The following PDGFC variants were observed in gnomAD, a reference collection of about 807,000 sequenced individuals.
PDGFC encodes platelet-derived growth factor C.
In PDGFC, 12 loss-of-function variants were observed where a neutral mutation model predicts 35.5. That is an observed-to-expected ratio of 0.34 (90% confidence interval 0.22 to 0.55). PDGFC has a LOEUF of 0.55. Among genes scored for constraint, PDGFC ranks in the 20% least tolerant of loss-of-function variants. The pLI, the probability that PDGFC is intolerant of heterozygous loss-of-function variation, is 0.91. For synonymous variants in PDGFC, 159 were observed against 148.8 expected (o/e 1.07, Z -0.50); for missense variants, 322 against 412.4 (o/e 0.78, Z 1.90).
At chr4:156,797,201 GCACTC>G (rs1209886849) in intron 3 of PDGFC, among the ~76,000 whole-genome samples, 3 of 149,976 alleles carry the variant, frequency 2.0e-5, no homozygotes, top group Admixed American at 2.0e-4. Flanking sequence ...TCGCGCCACT[GCACTC>G]CACCCTGTGC....
At chr4:156,860,766 A>T (rs1729691963) in intron 1 of PDGFC, among the ~76,000 whole-genome samples, 1 of 152,268 alleles carries the variant, frequency 6.6e-6, no homozygotes, top group South Asian at 2.1e-4. Context: ...AAACTTAAAG[A>T]TCTATTACTG....
At chr4:156,824,285 C>CATATATATATATATATAT (rs58698115) in intron 2 of PDGFC, among the ~76,000 whole-genome samples, 1 of 92,860 alleles carries the variant, frequency 1.1e-5, no homozygotes, top group Non-Finnish European at 2.0e-5. Context: ...ACAATGTAAG[C>CATATATATATATATATAT]ATATATATAT....
chr4:156,963,085 G>C (rs76383021), intron 1 of PDGFC, among the ~76,000 whole-genome samples: 1 of 152,104 alleles, frequency 6.6e-6, no homozygotes, highest in East Asian at 1.9e-4. Context: ...TAAGGAATCA[G>C]ACCTCTACTT....
intron 1 of PDGFC, among the ~76,000 whole-genome samples, chr4:156,911,625 C>T (rs1293828416): frequency 6.6e-6 from 1 of 152,034 alleles, no homozygotes. Flanking sequence ...TTATTATTCT[C>T]ATTTCATACA....
rs576348086 is a variant in PDGFC, at chr4:156,885,412, G to A, written c.119-34996C>T. 2.6e-4 allele frequency among the ~76,000 whole-genome samples: 39 copies of A among 152,174 alleles called. No homozygotes were observed. In the South Asian group the frequency reaches 7.7e-3, roughly 30 times the overall value. On this transcript the variant is annotated intron_variant, in intron 1 of 5. Coordinates refer to ENST00000502773, the MANE Select transcript of PDGFC (RefSeq NM_016205.3). Reference sequence around the variant, plus strand: ...AAAATGAAAATTTTAAAATTTTGTAGACTATAATAATTCTTTAAAAGGAGG... The same window carrying A: ...AAAATGAAAATTTTAAAATTTTGTAAACTATAATAATTCTTTAAAAGGAGG...
intron 1 of PDGFC, among the ~76,000 whole-genome samples, chr4:156,910,764 T>C (rs573830490): frequency 4.6e-5 from 7 of 152,288 alleles, no homozygotes; most frequent in Non-Finnish European, 1.0e-4. Flanking sequence ...TATCTCATTG[T>C]GGTTTTTAAT....
At chr4:156,960,686 T>C (rs1195179900) in intron 1 of PDGFC, among the ~76,000 whole-genome samples, 2 of 151,998 alleles carry the variant, frequency 1.3e-5, no homozygotes, top group Admixed American at 6.6e-5. Flanking sequence ...TCTCAGGCTA[T>C]GGATGTACAG....
chr4:156,933,058 G>T (rs1410542347), intron 1 of PDGFC, among the ~76,000 whole-genome samples: 3 of 152,092 alleles, frequency 2.0e-5, no homozygotes, highest in Non-Finnish European at 4.4e-5. Flanking sequence ...CAGACCTTGG[G>T]CAAATCCCAT....
At chr4:156,814,684 A>C (rs1732031569) in intron 2 of PDGFC, among the ~76,000 whole-genome samples, 1 of 152,080 alleles carries the variant, frequency 6.6e-6, no homozygotes, top group Non-Finnish European at 1.5e-5. Flanking sequence ...ACTATATATT[A>C]TTTTCTTTTT....
chr4:156,915,545 C>T (rs1407758229), intron 1 of PDGFC, among the ~76,000 whole-genome samples: 1 of 152,154 alleles, frequency 6.6e-6, no homozygotes, highest in Non-Finnish European at 1.5e-5. Flanking sequence ...GTGATCCCAG[C>T]ACTTTGGGAG....
chr4:156,878,486 A>G (rs1021529318), intron 1 of PDGFC, among the ~76,000 whole-genome samples: 2 of 152,190 alleles, frequency 1.3e-5, no homozygotes, highest in African/African-American at 2.4e-5. Flanking sequence ...AAAAACACAT[A>G]TGGCTTCCCA....
chr4:156,780,551 T>C (rs984843437), intron 3 of PDGFC, among the ~76,000 whole-genome samples: 4 of 152,212 alleles, frequency 2.6e-5, no homozygotes, highest in Non-Finnish European at 4.4e-5. Context: ...CATTGTCAAT[T>C]ATATGTTCAA....
In PDGFC at chr4:156,891,028, C is replaced by T. The variant is rs116259364; in HGVS notation, c.119-40612G>A. On this transcript the variant is annotated intron_variant, in intron 1 of 5. Transcript: ENST00000502773. ...GTGAACATCATACAGGTCATAAAAC[C>T]TTTATGTAAAAGCCTTCTACACACC... Among the ~76,000 whole-genome samples the T allele has an allele frequency of 7.2e-3, 1,090 of 151,816 alleles. 14 individuals are homozygous for T. The highest frequency in any genetic ancestry group is 0.025 in the African/African-American group (1,048 of 41,418).
chr4:156,868,807 C>A (rs956956140), intron 1 of PDGFC, among the ~76,000 whole-genome samples: 1 of 152,082 alleles, frequency 6.6e-6, no homozygotes, highest in Non-Finnish European at 1.5e-5. Flanking sequence ...GCAGTTGGTT[C>A]TTCTTCAAGA....
intron 1 of PDGFC, among the ~76,000 whole-genome samples, chr4:156,915,902 C>G (rs116507577): frequency 0.015 from 2,243 of 152,186 alleles, 58 homozygotes; most frequent in African/African-American, 0.051. Flanking sequence ...TTTCCTGCCC[C>G]CATGACCAAA....
At chr4:156,802,033 C>T (rs1731625660) in intron 3 of PDGFC, among the ~76,000 whole-genome samples, 1 of 152,180 alleles carries the variant, frequency 6.6e-6, no homozygotes, top group Non-Finnish European at 1.5e-5. Flanking sequence ...CCTACCTGCC[C>T]CTTTTTTCTT....
At chr4:156,780,688 TAA>T (rs1730953466) in intron 3 of PDGFC, among the ~76,000 whole-genome samples, 1 of 152,104 alleles carries the variant, frequency 6.6e-6, no homozygotes, top group African/African-American at 2.4e-5. Context: ...CTTGACAGTA[TAA>T]AAAGAGTGTT....
intron 1 of PDGFC, among the ~76,000 whole-genome samples, chr4:156,860,902 A>G (rs1351727758): frequency 6.6e-6 from 1 of 152,190 alleles, no homozygotes; most frequent in Non-Finnish European, 1.5e-5. Flanking sequence ...TCAATTTTAA[A>G]AAGAACTGAT....
At chr4:156,967,043 TA>T (rs963423147) in intron 1 of PDGFC, among the ~76,000 whole-genome samples, 6 of 149,044 alleles carry the variant, frequency 4.0e-5, no homozygotes, top group African/African-American at 1.5e-4. Context: ...TTTTTTTTTG[TA>T]AAAAAGCCTT....
Sources: gnomAD v4.1 joint callset for allele counts (sites outside exome capture counted in the v4.1 genomes callset) on GRCh38, gnomAD v4.1.1 for gene constraint, MANE v1.5 for transcripts, NCBI Gene and HGNC (gene_info 2026-07-23, HGNC 2026-07-21) for gene names.